The following ZC3H8 variants were observed in gnomAD, a reference collection of about 807,000 sequenced individuals.
The protein encoded by ZC3H8 is zinc finger CCCH domain-containing protein 8.
A neutral mutation model predicts 42.5 loss-of-function variants in ZC3H8; 27 were observed. The ratio of observed to expected loss-of-function variants is 0.64; its 90% CI spans 0.47 to 0.88. The LOEUF (loss-of-function observed/expected upper bound fraction) is 0.88, where lower values mean the gene tolerates loss of function less well. ZC3H8 is among the 40% of genes least tolerant of loss of function. ZC3H8 has a pLI of 0.00. For synonymous variants in ZC3H8, 101 were observed against 110.1 expected (o/e 0.92, Z 0.52); for missense variants, 277 against 336.1 (o/e 0.82, Z 1.37).
chr2:112,222,630 C>T (rs1026697284), intron 8 of ZC3H8, among the ~76,000 whole-genome samples: 8 of 151,744 alleles, frequency 5.3e-5, no homozygotes, highest in Admixed American at 5.3e-4. Context: ...AAATGTCTGT[C>T]AAAAAGGACA....
chr2:112,248,856 G>A (rs1685847814), intron 2 of ZC3H8, among the ~76,000 whole-genome samples: 1 of 151,992 alleles, frequency 6.6e-6, no homozygotes, highest in African/African-American at 2.4e-5. Context: ...ATTAAGATTA[G>A]GTCATTAGGG....
chr2:112,229,196 G>T (rs1052940087), intron 8 of ZC3H8, among the ~76,000 whole-genome samples: 1 of 151,924 alleles, frequency 6.6e-6, no homozygotes, highest in Non-Finnish European at 1.5e-5. Flanking sequence ...GGGGGAAAGA[G>T]CAGTCTTTTT....
In ZC3H8 at chr2:112,211,634, T is replaced by C. The variant is rs1684140678; in HGVS notation, c.*4850A>G. On this transcript the variant is annotated 3_prime_UTR_variant, in exon 9 of 9. Coordinates refer to ENST00000409573, the MANE Select transcript of ZC3H8 (RefSeq NM_032494.3). ...ATAAGATTCACCATTTCTTATGTACTGCTAAGAAAACAATAACCTGCTAAT... is the reference window on the plus strand; with the variant it reads ...ATAAGATTCACCATTTCTTATGTACCGCTAAGAAAACAATAACCTGCTAAT... The C allele has an allele frequency of 2.0e-5, 3 of 152,234 alleles. No individual in the cohort carries two copies. The highest frequency in any genetic ancestry group is 4.8e-5 in the African/African-American group (2 of 41,458). The allele number at this position is 152,234 out of a possible 1,614,324, so 9.4% of individuals were successfully genotyped here.
intron 1 of ZC3H8, among the ~76,000 whole-genome samples, chr2:112,252,675 A>G (rs1435690484): frequency 6.6e-6 from 1 of 151,938 alleles, no homozygotes; most frequent in Non-Finnish European, 1.5e-5. Context: ...TGTCCTGGCC[A>G]CTTTGCTCCC....
intron 8 of ZC3H8, among the ~76,000 whole-genome samples, chr2:112,223,877 C>T (rs188283614): frequency 6.6e-6 from 1 of 152,296 alleles, no homozygotes. Context: ...CACGGCAGCT[C>T]ACACCCTGTA....
At chr2:112,249,075 G>A (rs1258778814) in intron 2 of ZC3H8, among the ~76,000 whole-genome samples, 1 of 152,062 alleles carries the variant, frequency 6.6e-6, no homozygotes, top group African/African-American at 2.4e-5. Context: ...GCGTGGTGGT[G>A]CACACCTGTA....
At chr2:112,233,114 G>A (rs1474465643) in intron 6 of ZC3H8, 146 bp downstream of exon 6, 4 of 541,524 alleles carry the variant, frequency 7.4e-6, no homozygotes, top group Middle Eastern at 4.8e-4. Flanking sequence ...AAAAATCCAC[G>A]TACAATTTAA....
rs1025450230 is a variant in ZC3H8 at position 112,211,584 on chromosome 2, A to G, written c.*4900T>C. The G allele has an allele frequency of 6.6e-6, 1 of 152,260 alleles. No individual in the cohort carries two copies. Among genetic ancestry groups the G allele is most frequent in the African/African-American group, 2.4e-5 (1 of 41,474 alleles). The allele number at this position is 152,260 out of a possible 1,614,324, so 9.4% of individuals were successfully genotyped here. A position where few individuals can be genotyped will look rare whatever the true frequency, so the allele number is the denominator to read the frequency against. On this transcript the variant is annotated 3_prime_UTR_variant, in exon 9 of 9. Transcript: ENST00000409573. ...CAACTTCAGTTAAAAATTATATTTAATAGAATCTAAATGCCACTGAATCAA... is the reference window on the plus strand; with the variant it reads ...CAACTTCAGTTAAAAATTATATTTAGTAGAATCTAAATGCCACTGAATCAA...
chr2:112,233,928 G>A (rs1249535063), intron 5 of ZC3H8, among the ~76,000 whole-genome samples, 192 bp downstream of exon 5: 3 of 151,970 alleles, frequency 2.0e-5, no homozygotes, highest in East Asian at 1.9e-4. Context: ...CACCCACGTC[G>A]GCCTCCCAAA....
rs1175783883 is a variant in ZC3H8, at chr2:112,216,019, T to G, written c.*465A>C. On this transcript the variant is annotated 3_prime_UTR_variant, in exon 9 of 9. Coordinates refer to ENST00000409573, the MANE Select transcript of ZC3H8 (RefSeq NM_032494.3). ...AAATTGTGAACCATTAAAAATATGT[T>G]GTAAAACTATTTAATGTCATAAAGA... 4 of 152,228 alleles carry G rather than the reference T, an allele frequency of 2.6e-5. No homozygotes were observed. In the East Asian group the frequency reaches 7.7e-4, roughly 29 times the overall value. 9.4% of individuals were successfully genotyped at this position (152,228 alleles called of 1,614,324 possible). A position where few individuals can be genotyped will look rare whatever the true frequency, so the allele number is the denominator to read the frequency against.
At chr2:112,245,919 CAAATA>C (rs1213256024) in intron 2 of ZC3H8, among the ~76,000 whole-genome samples, 3 of 152,272 alleles carry the variant, frequency 2.0e-5, no homozygotes, top group East Asian at 3.9e-4. Context: ...TAAATTTATA[CAAATA>C]AAATACTTTA....
chr2:112,234,873 C>A (rs1044937959), intron 4 of ZC3H8, among the ~76,000 whole-genome samples: 1 of 151,786 alleles, frequency 6.6e-6, no homozygotes, highest in Non-Finnish European at 1.5e-5. Flanking sequence ...GAACGAAGAT[C>A]TTTAGAGTGG....
At chr2:112,231,762 C>G (rs1685101151) in intron 7 of ZC3H8, 76 bp downstream of exon 7, 3 of 886,278 alleles carry the variant, frequency 3.4e-6, no homozygotes, top group Admixed American at 2.8e-5. Context: ...CCTTAATTAT[C>G]TTCAAATTCT....
Position 112,211,939 on chromosome 2 carries a change from T to C in ZC3H8, c.*4545A>G, listed in dbSNP as rs1245265555. 1 of 152,196 alleles carries C rather than the reference T, an allele frequency of 6.6e-6. No homozygotes were observed. The highest frequency in any genetic ancestry group is 1.5e-5 in the Non-Finnish European group (1 of 68,034). 9.4% of individuals were successfully genotyped at this position (152,196 alleles called of 1,614,324 possible). A position where few individuals can be genotyped will look rare whatever the true frequency, so the allele number is the denominator to read the frequency against. ...TAACCCTTCTAAATATATCTACTCTTCCTAGTTTTCTGCTCCTTATTATGA... is the reference window on the plus strand; with the variant it reads ...TAACCCTTCTAAATATATCTACTCTCCCTAGTTTTCTGCTCCTTATTATGA... On this transcript the variant is annotated 3_prime_UTR_variant, in exon 9 of 9. Coordinates refer to ENST00000409573, the MANE Select transcript of ZC3H8 (RefSeq NM_032494.3).
intron 2 of ZC3H8, among the ~76,000 whole-genome samples, chr2:112,245,951 T>C (rs1344069813): frequency 6.6e-6 from 1 of 152,166 alleles, no homozygotes; most frequent in African/African-American, 2.4e-5. Flanking sequence ...TTCAAAAAGA[T>C]AGGCTAACTC....
chr2:112,224,932 G>A (rs1198521699), intron 8 of ZC3H8, among the ~76,000 whole-genome samples: 3 of 152,196 alleles, frequency 2.0e-5, no homozygotes, highest in Non-Finnish European at 4.4e-5. Flanking sequence ...AAAACTCATT[G>A]AACTGTATAC....
intron 2 of ZC3H8, among the ~76,000 whole-genome samples, chr2:112,247,781 G>T (rs561376320): frequency 6.6e-6 from 1 of 152,298 alleles, no homozygotes; most frequent in East Asian, 1.9e-4. Flanking sequence ...GCTGTGGAAG[G>T]TTATAATATA....
rs1685173873 is a variant in ZC3H8 at position 112,233,355 on chromosome 2, A to G, written c.638T>C (p.Phe213Ser). The G allele has an allele frequency of 1.9e-6, 3 of 1,591,370 alleles. No homozygotes were observed. The highest frequency in any genetic ancestry group is 2.6e-6 in the Non-Finnish European group (3 of 1,167,610). ...CTTTTCTATCTCTGCATCATGATCA[A>G]ATTTACACTGGTCTCCCTAGGCCAA... ...RKCIKGDQCKFDHDAEIEKKK... is the reference protein window; with the variant it reads ...RKCIKGDQCKSDHDAEIEKKK... The change falls in exon 6 of 9, where the codon TTT (phenylalanine) becomes TCT (serine). Residue 213 changes from phenylalanine to serine, a missense_variant. Phe to Ser is a radical substitution (Grantham distance 155). Transcript: ENST00000409573.
At chr2:112,220,182 C>T (rs528833489) in intron 8 of ZC3H8, among the ~76,000 whole-genome samples, 85 of 152,268 alleles carry the variant, frequency 5.6e-4, no homozygotes, top group Non-Finnish European at 1.1e-3. Context: ...AGATTTGATC[C>T]TGTCATAACA....
Sources: allele counts gnomAD v4.1 joint callset (sites outside exome capture counted in the v4.1 genomes callset), GRCh38; gene constraint gnomAD v4.1.1; transcripts MANE v1.5; gene names NCBI Gene and HGNC (gene_info 2026-07-23, HGNC 2026-07-21).